Variants in KCTD6 observed in about 807,000 individuals in gnomAD.
KCTD6 encodes the protein potassium channel tetramerization domain containing 6.
Under a neutral mutation model 18.7 loss-of-function variants are expected in KCTD6, and 6 were observed. The ratio of observed to expected loss-of-function variants is 0.32; its 90% CI spans 0.18 to 0.63. The LOEUF is 0.63. Ranked by LOEUF, KCTD6 falls within the 30% of genes least tolerant of loss-of-function variation. The probability of loss-of-function intolerance (pLI) is 0.79; values close to 1 mark genes in which losing one functional copy is unlikely to be tolerated. For missense variants in KCTD6, 165 were observed against 300.2 expected, an observed-to-expected ratio of 0.55 and a Z score of 3.33; for synonymous variants, 86 against 108.5, an observed-to-expected ratio of 0.79 and a Z score of 1.29.
intron 2 of KCTD6, 68 bp from the exon 3 acceptor site, chr3:58,500,878 C>G (rs1185083396): frequency 2.0e-6 from 2 of 1,015,374 alleles, no homozygotes; most frequent in Admixed American, 2.3e-5. Flanking sequence ...GTATCACTTA[C>G]TTTCTTAATT....
chr3:58,494,346 T>C (rs569327029), intron 1 of KCTD6: 1 of 152,264 alleles, frequency 6.6e-6, no homozygotes, highest in Non-Finnish European at 1.5e-5. Flanking sequence ...CTATAAAAAG[T>C]ATTTCGCTTT....
Position 58,498,917 on chromosome 3 carries a change from CT to C in KCTD6, c.27+137del, listed in dbSNP as rs2063192028. Reference sequence around the variant, plus strand: ...TGTGTAACCTCTCTTCCCCCTTTTACTTAGTTTAGATGTATTTTGGAGGCGT... The same window carrying C: ...TGTGTAACCTCTCTTCCCCCTTTTACTAGTTTAGATGTATTTTGGAGGCGT... On this transcript the variant is annotated intron_variant, in intron 2 of 2. Transcript: ENST00000404589. This position sits in a 1 kb window ranked among gnomAD's most constrained non-coding sequence, Gnocchi z 4.6. 2 of 705,652 alleles carry C rather than the reference CT, an allele frequency of 2.8e-6. No homozygotes were observed. Among genetic ancestry groups the C allele is most frequent in the Admixed American group, 2.9e-5 (1 of 34,978 alleles). The allele number at this position is 705,652 out of a possible 1,614,324, so 43.7% of individuals were successfully genotyped here. A position where few individuals can be genotyped will look rare whatever the true frequency, so the allele number is the denominator to read the frequency against.
chr3:58,493,869 A>C lies in KCTD6; in HGVS notation c.-44+1700A>C, dbSNP rs1322811102. 2 of 152,244 alleles carry C rather than the reference A, an allele frequency of 1.3e-5. No homozygotes were observed. The highest frequency in any genetic ancestry group is 4.8e-5 in the African/African-American group (2 of 41,450). The allele number at this position is 152,244 out of a possible 1,614,324, so 9.4% of individuals were successfully genotyped here. ...CCCAAAGAAGAAGCTGGGCATAAAGAGTGATTTTCTCAGGGTCTCATAATC... is the reference window on the plus strand; with the variant it reads ...CCCAAAGAAGAAGCTGGGCATAAAGCGTGATTTTCTCAGGGTCTCATAATC... On this transcript the variant is annotated intron_variant, in intron 1 of 2. Coordinates refer to ENST00000404589, the MANE Select transcript of KCTD6 (RefSeq NM_001128214.2). The surrounding 1 kb of genome is among the most constrained non-coding windows in gnomAD (Gnocchi z 4.5).
intron 2 of KCTD6, among the ~76,000 whole-genome samples, chr3:58,499,608 C>T (rs555164572): frequency 2.8e-5 from 4 of 140,484 alleles, no homozygotes; most frequent in South Asian, 2.2e-4. Context: ...AGTGCAATGG[C>T]GTGATCTCGG....
At position 58,501,769 on chromosome 3, in the gene KCTD6, G is replaced by A. The variant is rs535510147; in HGVS notation, c.*137G>A. 1 of 563,958 alleles carries A rather than the reference G, an allele frequency of 1.8e-6. No individual in the cohort carries two copies. The highest frequency in any genetic ancestry group is 1.9e-5 in the African/African-American group (1 of 51,412). The allele number at this position is 563,958 out of a possible 1,614,324, so 34.9% of individuals were successfully genotyped here. A position where few individuals can be genotyped will look rare whatever the true frequency, so the allele number is the denominator to read the frequency against. On this transcript the variant is annotated 3_prime_UTR_variant, in exon 3 of 3. Coordinates refer to ENST00000404589, the MANE Select transcript of KCTD6 (RefSeq NM_001128214.2). The surrounding 1 kb of genome is among the most constrained non-coding windows in gnomAD (Gnocchi z 9.7). ...TATTTGAAGGCAGTGAGGACCAGAA[G>A]GAAGTTTTGTGCTTTGGCAGACTCC...
intron 2 of KCTD6, among the ~76,000 whole-genome samples, chr3:58,499,801 A>G (rs2063196557): frequency 6.6e-6 from 1 of 152,056 alleles, no homozygotes; most frequent in East Asian, 1.9e-4. Flanking sequence ...TGGCCTCCCA[A>G]AGTGCTGGGA....
At chr3:58,495,108 G>A (rs985878790) in intron 1 of KCTD6, among the ~76,000 whole-genome samples, 3 of 152,168 alleles carry the variant, frequency 2.0e-5, no homozygotes, top group Non-Finnish European at 2.9e-5. Flanking sequence ...GTTTTAGTAA[G>A]GAAAGTCACT....
Position 58,498,656 on chromosome 3 carries a change from C to A in KCTD6, c.-43-57C>A, listed in dbSNP as rs1576979504. On this transcript the variant is annotated intron_variant, in intron 1 of 2. Coordinates refer to ENST00000404589, the MANE Select transcript of KCTD6 (RefSeq NM_001128214.2). This position sits in a 1 kb window ranked among gnomAD's most constrained non-coding sequence, Gnocchi z 4.6. Reference sequence around the variant, plus strand: ...CCTCTGTTGGGTGGAAAAAGACTTTCTTCTCTATTTTCCTAGTTATATATG... The same window carrying A: ...CCTCTGTTGGGTGGAAAAAGACTTTATTCTCTATTTTCCTAGTTATATATG... 9 of 928,752 alleles carry A rather than the reference C, an allele frequency of 9.7e-6. No individual in the cohort carries two copies. The highest frequency in any genetic ancestry group is 1.4e-5 in the Non-Finnish European group (8 of 571,376). The allele number at this position is 928,752 out of a possible 1,614,324, so 57.5% of individuals were successfully genotyped here.
Position 58,492,942 on chromosome 3 carries a change from A to T in KCTD6, c.-44+773A>T, listed in dbSNP as rs528957975. ...ACAAGTTGATGGATCCAATTTTAGG[A>T]CTTTGTGATAGAAGAGGTTTGGGTG... On this transcript the variant is annotated intron_variant, in intron 1 of 2. Transcript: ENST00000404589. This position sits in a 1 kb window ranked among gnomAD's most constrained non-coding sequence, Gnocchi z 6.1. Among the ~76,000 whole-genome samples, 1 of 152,308 alleles carries T rather than the reference A, an allele frequency of 6.6e-6. No individual in the cohort carries two copies. The highest frequency in any genetic ancestry group is 2.4e-5 in the African/African-American group (1 of 41,562).
rs773518523 is a variant in KCTD6, at chr3:58,497,272, A to G, written c.-43-1441A>G. 3.3e-5 allele frequency among the ~76,000 whole-genome samples: 5 copies of G among 152,254 alleles called. No homozygotes were observed. The highest frequency in any genetic ancestry group is 7.3e-5 in the Non-Finnish European group (5 of 68,046). ...CTCTGATTTCAGCCCATGCTGTGCT[A>G]TGCAAATGTTCTCTACATGCCTGAG... On this transcript the variant is annotated intron_variant, in intron 1 of 2. Transcript: ENST00000404589. This position sits in a 1 kb window ranked among gnomAD's most constrained non-coding sequence, Gnocchi z 4.2.
At position 58,497,579 on chromosome 3, in the gene KCTD6, T is replaced by C. The variant is rs1011559501; in HGVS notation, c.-43-1134T>C. On this transcript the variant is annotated intron_variant, in intron 1 of 2. Transcript: ENST00000404589. The surrounding 1 kb of genome is among the most constrained non-coding windows in gnomAD (Gnocchi z 4.2). ...TTCAGTAGCTGGGAAACTGTTTGTTTAAATGCTTTTGAATTGTAGATAAAA... is the reference window on the plus strand; with the variant it reads ...TTCAGTAGCTGGGAAACTGTTTGTTCAAATGCTTTTGAATTGTAGATAAAA... Among the ~76,000 whole-genome samples, 2 of 152,230 alleles carry C rather than the reference T, an allele frequency of 1.3e-5. No individual in the cohort carries two copies. Among genetic ancestry groups the C allele is most frequent in the African/African-American group, 4.8e-5 (2 of 41,462 alleles).
rs1358576901 is a variant in KCTD6 at position 58,500,970 on chromosome 3, G to T, written c.52G>T (p.Val18Leu). Residue 18 changes from valine to leucine, a missense_variant, in exon 3 of 3, where the codon GTA (valine) becomes TTA (leucine). This residue lies in a region of KCTD6 where 59 missense variants were observed against 69.9 expected (regional missense o/e 0.84). Transcript: ENST00000404589. ...GATGACTGACCCAGTCACATTAAATGTAGGTGGACACTTGTATACAACGTC... is the reference window on the plus strand; with the variant it reads ...GATGACTGACCCAGTCACATTAAATTTAGGTGGACACTTGTATACAACGTC... Reference protein sequence around the residue: ...YMMTDPVTLNVGGHLYTTSLT... With the variant: ...YMMTDPVTLNLGGHLYTTSLT... 6.3e-7 allele frequency: 1 copy of T among 1,579,076 alleles called. No homozygotes were observed.
rs1430504353 is a variant in KCTD6, at chr3:58,493,049, T to C, written c.-44+880T>C. On this transcript the variant is annotated intron_variant, in intron 1 of 2. Transcript: ENST00000404589. This position sits in a 1 kb window ranked among gnomAD's most constrained non-coding sequence, Gnocchi z 4.5. ...TCTCTTCTATATCCCCCTGGCATGT[T>C]CTTTTTTTCGCTGTCACAAATGCCC... Among the ~76,000 whole-genome samples, 1 of 152,198 alleles carries C rather than the reference T, an allele frequency of 6.6e-6. No individual in the cohort carries two copies. Among genetic ancestry groups the C allele is most frequent in the African/African-American group, 2.4e-5 (1 of 41,434 alleles).
chr3:58,501,816 C>A lies in KCTD6; in HGVS notation c.*184C>A. On this transcript the variant is annotated 3_prime_UTR_variant, in exon 3 of 3. Coordinates refer to ENST00000404589, the MANE Select transcript of KCTD6 (RefSeq NM_001128214.2). The surrounding 1 kb of genome is among the most constrained non-coding windows in gnomAD (Gnocchi z 9.7). ...CTCCTCCATGTTTTGTTCCCTTCCC[C>A]CTGAGTATGCATGTGCCTGTTCAGA... 2.5e-6 allele frequency: 1 copy of A among 399,732 alleles called. No individual in the cohort carries two copies. The highest frequency in any genetic ancestry group is 6.6e-4 in the Middle Eastern group (1 of 1,526). 24.8% of individuals were successfully genotyped at this position (399,732 alleles called of 1,614,324 possible). A position where few individuals can be genotyped will look rare whatever the true frequency, so the allele number is the denominator to read the frequency against.
Position 58,498,790 on chromosome 3 carries a change from C to T in KCTD6, c.27+8C>T. On this transcript the variant is annotated splice_region_variant and intron_variant, in intron 2 of 2. Coordinates refer to ENST00000404589, the MANE Select transcript of KCTD6 (RefSeq NM_001128214.2). This position sits in a 1 kb window ranked among gnomAD's most constrained non-coding sequence, Gnocchi z 4.6. The stretch of plus-strand genomic sequence containing the variant: ...GGAGACTGGGGCTATATGGTGAGTG[C>T]TTCTTGGAGATGCATTTTGAAGGCT... 5 of 1,608,686 alleles carry T rather than the reference C, an allele frequency of 3.1e-6. No homozygotes were observed. Among genetic ancestry groups the T allele is most frequent in the Non-Finnish European group, 4.2e-6 (5 of 1,177,200 alleles).
intron 1 of KCTD6, among the ~76,000 whole-genome samples, chr3:58,495,190 A>T (rs1464298964): frequency 6.6e-6 from 1 of 152,194 alleles, no homozygotes; most frequent in Non-Finnish European, 1.5e-5. Context: ...CTTTGCTTTC[A>T]TCAAGTAAAA....
In KCTD6 at chr3:58,492,232, G is replaced by C. The variant is rs1171911477; in HGVS notation, c.-44+63G>C. 1 of 149,546 alleles carries C rather than the reference G, an allele frequency of 6.7e-6. No homozygotes were observed. The highest frequency in any genetic ancestry group is 1.5e-5 in the Non-Finnish European group (1 of 66,990). The allele number at this position is 149,546 out of a possible 1,614,324, so 9.3% of individuals were successfully genotyped here. A position where few individuals can be genotyped will look rare whatever the true frequency, so the allele number is the denominator to read the frequency against. On this transcript the variant is annotated intron_variant, in intron 1 of 2. Coordinates refer to ENST00000404589, the MANE Select transcript of KCTD6 (RefSeq NM_001128214.2). This position sits in a 1 kb window ranked among gnomAD's most constrained non-coding sequence, Gnocchi z 6.1. ...TTGGGAGGGCCGGGTTTCAGGAGAC[G>C]TCTGCGCCGAGCGGCCAGGGGAGCG...
rs2063190959 is a variant in KCTD6 at position 58,498,761 on chromosome 3, T to C, written c.6T>C (p.Asp2=). The C allele has an allele frequency of 6.2e-7, 1 of 1,612,570 alleles. No homozygotes were observed. Among genetic ancestry groups the C allele is most frequent in the Non-Finnish European group, 8.5e-7 (1 of 1,179,314 alleles). Reference sequence around the variant, plus strand: ...AAGACGCATCACTGGAGCAGATGGATAATGGAGACTGGGGCTATATGGTGA... The same window carrying C: ...AAGACGCATCACTGGAGCAGATGGACAATGGAGACTGGGGCTATATGGTGA... M[D]NGDWGYMMTD... The change falls in exon 2 of 3, where the codon GAT becomes GAC. Residue 2 remains aspartate, a synonymous_variant. Transcript: ENST00000404589. The surrounding 1 kb of genome is among the most constrained non-coding windows in gnomAD (Gnocchi z 4.6).
Position 58,501,699 on chromosome 3 carries a change from TA to T in KCTD6, c.*70del. On this transcript the variant is annotated 3_prime_UTR_variant, in exon 3 of 3. Transcript: ENST00000404589. This position sits in a 1 kb window ranked among gnomAD's most constrained non-coding sequence, Gnocchi z 9.7. ...AATGGAAGATACTGATTTTTTTTTT[TA>T]AATCACAGTGTGAGATATTTTTTTT... is the stretch of plus-strand genomic sequence containing the variant. The T allele has an allele frequency of 9.9e-7, 1 of 1,012,070 alleles. No homozygotes were observed. Among genetic ancestry groups the T allele is most frequent in the Non-Finnish European group, 1.3e-6 (1 of 767,570 alleles). 62.7% of individuals were successfully genotyped at this position (1,012,070 alleles called of 1,614,324 possible).
Sources: gnomAD v4.1 joint callset for allele counts (sites outside exome capture counted in the v4.1 genomes callset) on GRCh38, gnomAD v4.1.1 for gene constraint, gnomAD v4.1.1 regional missense constraint, Gnocchi (gnomAD v3.1) non-coding constraint, MANE v1.5 for transcripts, NCBI Gene and HGNC (gene_info 2026-07-23, HGNC 2026-07-21) for gene names.